PPM1E: variants seen among roughly 807,000 people sequenced by gnomAD.
The protein encoded by PPM1E is protein phosphatase 1E.
A neutral mutation model predicts 65.9 loss-of-function variants in PPM1E; 20 were observed. That is an observed-to-expected ratio of 0.30 (90% CI 0.21 to 0.44). The LOEUF is 0.44. PPM1E is among the 20% of genes least tolerant of loss of function. The pLI is 1.00. For missense variants in PPM1E, 713 were observed against 953.1 expected (o/e 0.75, Z 3.32); for synonymous variants, 352 against 374.9 (o/e 0.94, Z 0.70).
chr17:58,782,591 T>A (rs1264716339), intron 1 of PPM1E, among the ~76,000 whole-genome samples: 3 of 151,656 alleles, frequency 2.0e-5, no homozygotes, highest in Non-Finnish European at 2.9e-5. Flanking sequence ...TTGTATTTTT[T>A]AATAGAGACG....
intron 1 of PPM1E, among the ~76,000 whole-genome samples, chr17:58,811,888 C>T (rs1206331380): frequency 6.6e-6 from 1 of 152,070 alleles, no homozygotes; most frequent in Non-Finnish European, 1.5e-5. Flanking sequence ...TCAGGATGGT[C>T]TCGATCTCTT....
At chr17:58,963,151 G>A (rs943075642) in intron 2 of PPM1E, among the ~76,000 whole-genome samples, 18 of 152,054 alleles carry the variant, frequency 1.2e-4, no homozygotes, top group Admixed American at 5.2e-4. Flanking sequence ...CTGGGAGGCC[G>A]AGGTGGGTGG....
intron 1 of PPM1E, among the ~76,000 whole-genome samples, chr17:58,798,676 T>C (rs71372851): frequency 6.6e-6 from 1 of 151,920 alleles, no homozygotes; most frequent in Admixed American, 6.6e-5. Context: ...TATTTTCCTG[T>C]GTTTTCTGTT....
chr17:58,855,668 A>C (rs551144972), intron 1 of PPM1E, among the ~76,000 whole-genome samples: 155 of 152,348 alleles, frequency 1.0e-3, no homozygotes, highest in African/African-American at 3.6e-3. Flanking sequence ...ACCTACTTAT[A>C]AGTTAGGACC....
intron 6 of PPM1E, among the ~76,000 whole-genome samples, chr17:58,973,830 T>TA (rs1277057257): frequency 6.6e-6 from 1 of 151,756 alleles, no homozygotes; most frequent in African/African-American, 2.4e-5. Flanking sequence ...CACACGTCTG[T>TA]AGTCCCAGCT....
chr17:58,912,248 A>AC (rs2051636442), intron 1 of PPM1E, among the ~76,000 whole-genome samples: 1 of 152,190 alleles, frequency 6.6e-6, no homozygotes, highest in African/African-American at 2.4e-5. Flanking sequence ...GAAACAAGAT[A>AC]GTACAAAGAA....
chr17:58,956,131 G>T (rs532684582), intron 2 of PPM1E, among the ~76,000 whole-genome samples: 15 of 152,158 alleles, frequency 9.9e-5, no homozygotes, highest in African/African-American at 3.6e-4. Flanking sequence ...GAAATGTTTA[G>T]CTTACCTTTA....
rs368477987 is a variant in PPM1E, at chr17:58,898,319, T to A, written c.465-57330T>A. 6.1e-4 allele frequency among the ~76,000 whole-genome samples: 88 copies of A among 144,292 alleles called. 2 individuals are homozygous for A. In the South Asian group the frequency reaches 0.015, roughly 25 times the overall value. 94.7% of individuals were successfully genotyped at this position (144,292 alleles called of 152,430 possible). On this transcript the variant is annotated intron_variant, in intron 1 of 6. Transcript: ENST00000308249. ...ACTTAAACAAATTTACAAGAAAAAA[T>A]CAAACAACCCCGTCAAAAAGTAGGC...
chr17:58,971,392 C>T (rs1281086791), intron 4 of PPM1E, among the ~76,000 whole-genome samples: 3 of 152,146 alleles, frequency 2.0e-5, no homozygotes, highest in Admixed American at 2.0e-4. Context: ...AACAGAAAGT[C>T]ATGCTCATTT....
At chr17:58,800,497 A>C (rs776259051) in intron 1 of PPM1E, among the ~76,000 whole-genome samples, 11 of 151,998 alleles carry the variant, frequency 7.2e-5, no homozygotes, top group African/African-American at 2.7e-4. Flanking sequence ...GTTGTATAAG[A>C]TGTTATTTCT....
At chr17:58,775,672 T>C (rs1034727587) in intron 1 of PPM1E, among the ~76,000 whole-genome samples, 6 of 151,696 alleles carry the variant, frequency 4.0e-5, no homozygotes, top group South Asian at 2.1e-4. Context: ...CCCAGCACTT[T>C]GGGAGGCCGA....
intron 3 of PPM1E, among the ~76,000 whole-genome samples, chr17:58,968,667 A>G (rs1050062881): frequency 6.6e-6 from 1 of 152,240 alleles, no homozygotes; most frequent in Non-Finnish European, 1.5e-5. Context: ...CTCAGGACTC[A>G]GTGCGAGTTC....
intron 1 of PPM1E, among the ~76,000 whole-genome samples, chr17:58,786,548 C>A (rs2050103062): frequency 6.6e-6 from 1 of 152,118 alleles, no homozygotes; most frequent in South Asian, 2.1e-4. Context: ...ATTCATGTCC[C>A]AGGCAGGACG....
chr17:58,932,850 T>C (rs949823188), intron 1 of PPM1E, among the ~76,000 whole-genome samples: 2 of 152,194 alleles, frequency 1.3e-5, no homozygotes, highest in African/African-American at 4.8e-5. Context: ...AACATTTTAG[T>C]CAATAACAGG....
At chr17:58,900,526 C>T (rs1301484947) in intron 1 of PPM1E, among the ~76,000 whole-genome samples, 1 of 152,134 alleles carries the variant, frequency 6.6e-6, no homozygotes, top group African/African-American at 2.4e-5. Flanking sequence ...TGCTATTGTA[C>T]ACTTAATAGA....
At chr17:58,863,649 A>G (rs938180489) in intron 1 of PPM1E, among the ~76,000 whole-genome samples, 3 of 152,100 alleles carry the variant, frequency 2.0e-5, no homozygotes, top group Non-Finnish European at 4.4e-5. Context: ...GCCCAAGAGG[A>G]ATGAGGTCAC....
chr17:58,949,929 C>T (rs1310823697), intron 1 of PPM1E, among the ~76,000 whole-genome samples: 1 of 152,100 alleles, frequency 6.6e-6, no homozygotes, highest in Admixed American at 6.5e-5. Context: ...TTGACTATAT[C>T]ATCCCTTTCT....
In PPM1E at chr17:58,765,988, CT is replaced by C. The variant is rs111397623; in HGVS notation, c.464+9528del. The stretch of plus-strand genomic sequence containing the variant: ...CTCCGCCTCCCAAGTTCAAGCGATT[CT>C]CCTGCCTTAGCCTCCCAAGTAGCTG... On this transcript the variant is annotated intron_variant, in intron 1 of 6. Coordinates refer to ENST00000308249, the MANE Select transcript of PPM1E (RefSeq NM_014906.5). 9.0e-3 allele frequency among the ~76,000 whole-genome samples: 1,318 copies of C among 147,082 alleles called. 22 individuals are homozygous for C. Among genetic ancestry groups the C allele is most frequent in the African/African-American group, 0.03 (1,215 of 39,884 alleles).
chr17:58,819,075 T>C (rs1216985275), intron 1 of PPM1E, among the ~76,000 whole-genome samples: 1 of 152,244 alleles, frequency 6.6e-6, no homozygotes, highest in Admixed American at 6.5e-5. Flanking sequence ...TCAAATAAGA[T>C]GATGAAATCC....
Sources: gnomAD v4.1 joint callset for allele counts (sites outside exome capture counted in the v4.1 genomes callset) on GRCh38, gnomAD v4.1.1 for gene constraint, MANE v1.5 for transcripts, NCBI Gene and HGNC (gene_info 2026-07-23, HGNC 2026-07-21) for gene names.